The following PTK2B variants were observed in gnomAD, a reference collection of about 807,000 sequenced individuals.
PTK2B encodes protein tyrosine kinase 2 beta.
PTK2B carries 71 observed loss-of-function variants against 142.9 expected under a neutral mutation model. That is an observed-to-expected ratio of 0.50 (90% CI 0.41 to 0.61). The LOEUF (loss-of-function observed/expected upper bound fraction) is 0.61. Ranked by LOEUF, PTK2B falls within the 20% of genes least tolerant of loss-of-function variation. PTK2B has a pLI of 0.00. For missense variants in PTK2B, 1,105 were observed against 1,320.4 expected (o/e 0.84, Z 2.53); for synonymous variants, 519 against 503.4 (o/e 1.03, Z -0.42).
chr8:27,420,611 G>A, intron 3 of PTK2B, 46 bp from the exon 4 acceptor site: 1 of 1,570,020 alleles, frequency 6.4e-7, no homozygotes, highest in Non-Finnish European at 8.8e-7. Context: ...CTTTCTTCAG[G>A]CACCAGCTTC....
intron 24 of PTK2B, among the ~76,000 whole-genome samples, chr8:27,449,159 G>A (rs1232580731): frequency 6.6e-6 from 1 of 152,206 alleles, no homozygotes. Context: ...AGGTTGAGGA[G>A]CCTTGGTCTG....
intron 1 of PTK2B, among the ~76,000 whole-genome samples, chr8:27,354,833 C>G (rs571592556): frequency 1.3e-5 from 2 of 152,236 alleles, no homozygotes; most frequent in South Asian, 4.2e-4. Flanking sequence ...GCTCCTTGTT[C>G]TGTCTCTCCT....
At chr8:27,313,792 C>G (rs964954670) in intron 3 of PTK2B, among the ~76,000 whole-genome samples, 2 of 152,208 alleles carry the variant, frequency 1.3e-5, no homozygotes, top group Non-Finnish European at 2.9e-5. Context: ...AAGCTGATTA[C>G]CAATCTCAAG....
intron 1 of PTK2B, among the ~76,000 whole-genome samples, chr8:27,342,286 T>G (rs549311916): frequency 6.6e-6 from 1 of 151,620 alleles, no homozygotes; most frequent in South Asian, 2.1e-4. Flanking sequence ...CTTTACTTTG[T>G]TCCTTTTTTT....
rs1320574233 is a variant in PTK2B at position 27,345,791 on chromosome 8, G to A, written c.-38+20110G>A. Among the ~76,000 whole-genome samples, 6 of 152,282 alleles carry A rather than the reference G, an allele frequency of 3.9e-5. No individual in the cohort carries two copies. The East Asian group carries it at 9.7e-4, about 25-fold the overall frequency. On this transcript the variant is annotated intron_variant, in intron 1 of 30. Transcript: ENST00000346049. ...AAACCTATAACATTAATGGGAAGGC[G>A]AGTCAGGTGAAAATGTGTATATGTG...
At chr8:27,375,231 A>T (rs1468780793) in intron 1 of PTK2B, among the ~76,000 whole-genome samples, 1 of 152,206 alleles carries the variant, frequency 6.6e-6, no homozygotes, top group Non-Finnish European at 1.5e-5. Flanking sequence ...GGGCAGTAGC[A>T]CAGTCCCTGC....
chr8:27,343,018 T>C (rs567471624), intron 1 of PTK2B, among the ~76,000 whole-genome samples: 70 of 152,302 alleles, frequency 4.6e-4, no homozygotes, highest in African/African-American at 1.6e-3. Context: ...CCTGAGCTGA[T>C]GTGGCCGAGT....
chr8:27,441,035 G>A (rs1316381175), intron 21 of PTK2B, among the ~76,000 whole-genome samples: 1 of 152,144 alleles, frequency 6.6e-6, no homozygotes, highest in African/African-American at 2.4e-5. Flanking sequence ...GCCCTCCTGT[G>A]GGAGATCTGA....
intron 21 of PTK2B, among the ~76,000 whole-genome samples, chr8:27,442,634 C>T (rs913960562): frequency 5.9e-5 from 9 of 152,198 alleles, no homozygotes; most frequent in Non-Finnish European, 8.8e-5. Context: ...TCACCAAGGA[C>T]GCTTTTCCAC....
At chr8:27,372,754 G>C (rs1179170376) in intron 1 of PTK2B, among the ~76,000 whole-genome samples, 8 of 152,176 alleles carry the variant, frequency 5.3e-5, no homozygotes, top group Admixed American at 5.2e-4. Flanking sequence ...CAACCACCCT[G>C]TTCTGGAGGG....
At chr8:27,389,668 G>A (rs933954292) in intron 1 of PTK2B, among the ~76,000 whole-genome samples, 5 of 152,214 alleles carry the variant, frequency 3.3e-5, no homozygotes, top group Non-Finnish European at 5.9e-5. Context: ...CAACAAATGC[G>A]TTTTGTATTA....
chr8:27,312,577 G>A (rs988617000), intron 2 of PTK2B, among the ~76,000 whole-genome samples: 3 of 151,996 alleles, frequency 2.0e-5, no homozygotes, highest in Admixed American at 6.6e-5. Flanking sequence ...ATGAAATTTT[G>A]GCATGCAAAC....
At chr8:27,314,557 A>C (rs1803053455) in intron 3 of PTK2B, among the ~76,000 whole-genome samples, 2 of 152,252 alleles carry the variant, frequency 1.3e-5, no homozygotes, top group Non-Finnish European at 1.5e-5. Flanking sequence ...GCGTAGGCCA[A>C]GTAAATAACT....
intron 1 of PTK2B, among the ~76,000 whole-genome samples, chr8:27,371,968 C>T (rs540609105): frequency 6.6e-4 from 100 of 152,308 alleles, no homozygotes; most frequent in Non-Finnish European, 1.1e-3. Flanking sequence ...ACCAATATGA[C>T]GCTTGAGCTA....
At chr8:27,458,000 A>T (rs1410247797) in intron 30 of PTK2B, among the ~76,000 whole-genome samples, 5 of 49,148 alleles carry the variant, frequency 1.0e-4, no homozygotes, top group Non-Finnish European at 2.0e-4. Flanking sequence ...AAAAAAAAAG[A>T]TCAGATTCGC....
chr8:27,312,053 C>T (rs530263375), intron 1 of PTK2B, among the ~76,000 whole-genome samples: 1 of 152,298 alleles, frequency 6.6e-6, no homozygotes, highest in African/African-American at 2.4e-5. Flanking sequence ...AAATTGAGGA[C>T]TTCTGCAAAG....
chr8:27,413,039 G>GAAAA (rs57661178), intron 2 of PTK2B, among the ~76,000 whole-genome samples: 6 of 145,290 alleles, frequency 4.1e-5, no homozygotes, highest in Admixed American at 1.4e-4. Context: ...TAAAAAGTTG[G>GAAAA]AAAAAAAAAA....
At chr8:27,413,184 G>A (rs950626390) in intron 2 of PTK2B, among the ~76,000 whole-genome samples, 12 of 152,256 alleles carry the variant, frequency 7.9e-5, no homozygotes, top group African/African-American at 1.7e-4. Flanking sequence ...GCCCATTATC[G>A]TTATTCTTTT....
chr8:27,378,999 G>T (rs1028827451), intron 1 of PTK2B, among the ~76,000 whole-genome samples: 1 of 152,182 alleles, frequency 6.6e-6, no homozygotes, highest in Non-Finnish European at 1.5e-5. Flanking sequence ...CGACACGGGG[G>T]AGCTGGATGC....
Sources: gnomAD v4.1 joint callset for allele counts (sites outside exome capture counted in the v4.1 genomes callset) on GRCh38, gnomAD v4.1.1 for gene constraint, MANE v1.5 for transcripts, NCBI Gene and HGNC (gene_info 2026-07-23, HGNC 2026-07-21) for gene names.